The following HDAC4 variants were observed in gnomAD, a reference collection of about 807,000 sequenced individuals.
HDAC4 encodes histone deacetylase A.
A neutral mutation model predicts 135.1 loss-of-function variants in HDAC4; 16 were observed. The ratio of observed to expected loss-of-function variants is 0.12; its 90% CI spans 0.08 to 0.18. HDAC4 has a LOEUF of 0.18. HDAC4 is among the 10% of genes least tolerant of loss of function. The pLI is 1.00. For missense variants in HDAC4, 1,143 were observed against 1,511.8 expected (o/e 0.76, Z 4.05); for synonymous variants, 685 against 653.4 (o/e 1.05, Z -0.74).
At chr2:239,195,444 G>C (rs939688290) in intron 3 of HDAC4, among the ~76,000 whole-genome samples, 1 of 152,304 alleles carries the variant, frequency 6.6e-6, no homozygotes, top group South Asian at 2.1e-4. Context: ...CCTGGGAGCC[G>C]GGTGGGTGGG....
intron 5 of HDAC4, among the ~76,000 whole-genome samples, chr2:239,165,862 G>T (rs941817098): frequency 2.6e-5 from 4 of 152,020 alleles, no homozygotes; most frequent in African/African-American, 9.7e-5. Flanking sequence ...CTCTGCCATT[G>T]TTCCTCCTTT....
chr2:239,325,619 A>G (rs1010979723), intron 2 of HDAC4, among the ~76,000 whole-genome samples: 1 of 152,242 alleles, frequency 6.6e-6, no homozygotes, highest in African/African-American at 2.4e-5. Flanking sequence ...CGTGGTGGGC[A>G]GGAACATAAA....
intron 2 of HDAC4, among the ~76,000 whole-genome samples, chr2:239,269,350 T>C (rs1289899549): frequency 6.6e-6 from 1 of 151,772 alleles, no homozygotes; most frequent in Non-Finnish European, 1.5e-5. Flanking sequence ...TTCACACATC[T>C]ACATACACGT....
intron 22 of HDAC4, 70 bp downstream of exon 22, chr2:239,081,025 G>A (rs2035265499): frequency 4.1e-6 from 5 of 1,214,428 alleles, no homozygotes; most frequent in South Asian, 3.8e-5. Context: ...TCTCCAACAA[G>A]TGCTTCCTGG....
chr2:239,362,136 T>G (rs898552240), intron 1 of HDAC4, among the ~76,000 whole-genome samples: 2 of 152,248 alleles, frequency 1.3e-5, no homozygotes, highest in African/African-American at 4.8e-5. Context: ...CCACAGAGCC[T>G]GTGATTTTAA....
chr2:239,264,268 G>A (rs1024071932), intron 2 of HDAC4, among the ~76,000 whole-genome samples: 1 of 152,218 alleles, frequency 6.6e-6, no homozygotes, highest in African/African-American at 2.4e-5. Flanking sequence ...CGGAGGAGCA[G>A]ATGCGCCTGC....
At chr2:239,298,736 TA>T in intron 2 of HDAC4, 2 of 376,594 alleles carry the variant, frequency 5.3e-6, no homozygotes, top group South Asian at 2.2e-4. Flanking sequence ...GAAAGGCATT[TA>T]ATCAAACATT....
At chr2:239,232,953 C>G (rs542151030) in intron 3 of HDAC4, among the ~76,000 whole-genome samples, 2 of 151,732 alleles carry the variant, frequency 1.3e-5, no homozygotes, top group African/African-American at 4.9e-5. Context: ...CCTTCCCTCA[C>G]CAAGCCAAGG....
chr2:239,355,903 T>C (rs1392415976), intron 1 of HDAC4, among the ~76,000 whole-genome samples: 1 of 152,224 alleles, frequency 6.6e-6, no homozygotes, highest in African/African-American at 2.4e-5. Flanking sequence ...AGGTTTCACC[T>C]AACATAGTGC....
At chr2:239,098,585 C>G (rs1033490227) in intron 16 of HDAC4, among the ~76,000 whole-genome samples, 1 of 152,254 alleles carries the variant, frequency 6.6e-6, no homozygotes, top group Non-Finnish European at 1.5e-5. Flanking sequence ...CAGCGGCCAG[C>G]CTGCCTCAGG....
At chr2:239,059,694 G>C (rs943384063) in intron 24 of HDAC4, among the ~76,000 whole-genome samples, 1 of 152,146 alleles carries the variant, frequency 6.6e-6, no homozygotes, top group Non-Finnish European at 1.5e-5. Context: ...CGGCCTAGGA[G>C]AGTTCTCCCA....
At chr2:239,260,705 G>A (rs922406438) in intron 2 of HDAC4, among the ~76,000 whole-genome samples, 2 of 152,198 alleles carry the variant, frequency 1.3e-5, no homozygotes, top group African/African-American at 4.8e-5. Flanking sequence ...GTGAGGGGAT[G>A]TGAGGTCCCC....
intron 23 of HDAC4, 22 bp from the exon 24 acceptor site, chr2:239,066,877 T>C (rs2033559674): frequency 2.5e-6 from 4 of 1,609,780 alleles, no homozygotes; most frequent in Non-Finnish European, 3.4e-6. Context: ...AACGGGAGAC[T>C]GCAGTGTGAA....
intron 6 of HDAC4, 23 bp from the exon 7 acceptor site, chr2:239,156,796 T>C: frequency 1.2e-6 from 2 of 1,613,948 alleles, no homozygotes; most frequent in Non-Finnish European, 8.5e-7. Flanking sequence ...CAAAGACAGA[T>C]GGTTTAGTTT....
chr2:239,274,431 C>T (rs952096225), intron 2 of HDAC4, among the ~76,000 whole-genome samples: 2 of 152,130 alleles, frequency 1.3e-5, no homozygotes, highest in South Asian at 2.1e-4. Flanking sequence ...GTTTTAAGGA[C>T]GAATCATGTA....
rs534672166 is a variant in HDAC4, at chr2:239,317,317, C to T, written c.22+35361G>A. Among the ~76,000 whole-genome samples the T allele has an allele frequency of 4.8e-5, 5 of 104,286 alleles. No individual in the cohort carries two copies. In the East Asian group the frequency reaches 8.1e-4, roughly 17 times the overall value. The allele number at this position is 104,286 out of a possible 152,430, so 68.4% of individuals were successfully genotyped here. ...CTGCCATGTGTGTGGGTGGGGCCGG[C>T]GTGTGTGGGTGCAGGGGCCGATCTA... On this transcript the variant is annotated intron_variant, in intron 2 of 26. Coordinates refer to ENST00000543185, the MANE Select transcript of HDAC4 (RefSeq NM_001378414.1).
chr2:239,088,772 A>AGT (rs1423100808), intron 18 of HDAC4, among the ~76,000 whole-genome samples: 1 of 152,164 alleles, frequency 6.6e-6, no homozygotes, highest in Non-Finnish European at 1.5e-5. Context: ...TGAGCTTTCC[A>AGT]GTGAAAATTA....
chr2:239,212,111 TTAATC>T (rs2046379754), intron 3 of HDAC4, among the ~76,000 whole-genome samples: 1 of 152,212 alleles, frequency 6.6e-6, no homozygotes, highest in Non-Finnish European at 1.5e-5. Flanking sequence ...CACTAAAATT[TTAATC>T]TGTAAGCCCA....
chr2:239,363,068 A>G (rs1693960203), intron 1 of HDAC4, among the ~76,000 whole-genome samples: 1 of 152,224 alleles, frequency 6.6e-6, no homozygotes, highest in Non-Finnish European at 1.5e-5. Flanking sequence ...AATAGCATAC[A>G]ATATTAGCAA....
Sources: gnomAD v4.1 joint callset for allele counts (sites outside exome capture counted in the v4.1 genomes callset) on GRCh38, gnomAD v4.1.1 for gene constraint, MANE v1.5 for transcripts, NCBI Gene and HGNC (gene_info 2026-07-23, HGNC 2026-07-21) for gene names.